Variants in COL21A1 observed in about 807,000 individuals in gnomAD.
COL21A1 encodes collagen type XXI alpha 1 chain.
In COL21A1, 149 loss-of-function variants were observed where a neutral mutation model predicts 137.9. The ratio of observed to expected loss-of-function variants is 1.08; its 90% confidence interval spans 0.95 to 1.24. The LOEUF (loss-of-function observed/expected upper bound fraction) is 1.24. Ranked by LOEUF, COL21A1 falls within the 50% of genes most tolerant of loss-of-function variation. The pLI, the probability that COL21A1 is intolerant of heterozygous loss-of-function variation, is 0.00. For synonymous variants in COL21A1, 456 were observed against 391.5 expected, an observed-to-expected ratio of 1.16 and a Z score of -1.95; for missense variants, 1,167 against 1,158.4, an observed-to-expected ratio of 1.01 and a Z score of -0.11.
chr6:56,077,219 C>T (rs1036920911), intron 18 of COL21A1, among the ~76,000 whole-genome samples: 36 of 151,286 alleles, frequency 2.4e-4, no homozygotes, highest in African/African-American at 7.7e-4. Flanking sequence ...ACTAAAAAGA[C>T]ATTCAAAAAT....
At chr6:56,188,635 C>A (rs2152287989) in intron 1 of COL21A1, among the ~76,000 whole-genome samples, 1 of 152,328 alleles carries the variant, frequency 6.6e-6, no homozygotes, top group African/African-American at 2.4e-5. Context: ...TCGAGCTCTG[C>A]TAAGGGTCGG....
In COL21A1 at chr6:56,224,794, C is replaced by T. The variant is rs150898455; in HGVS notation, c.-39+22593G>A. 9.5e-4 allele frequency among the ~76,000 whole-genome samples: 144 copies of T among 152,070 alleles called. No homozygotes were observed. In the East Asian group the frequency reaches 0.026, roughly 27 times the overall value. On this transcript the variant is annotated intron_variant, in intron 1 of 29. Coordinates refer to ENST00000244728, the MANE Select transcript of COL21A1 (RefSeq NM_030820.4). ...AATGACATACTGGATTTCATTTGGACAAATATGCTGAAATATTATAGTTAA... is the reference window on the plus strand; with the variant it reads ...AATGACATACTGGATTTCATTTGGATAAATATGCTGAAATATTATAGTTAA...
intron 1 of COL21A1, among the ~76,000 whole-genome samples, chr6:56,340,513 T>A (rs989319545): frequency 1.3e-5 from 2 of 152,156 alleles, no homozygotes; most frequent in Non-Finnish European, 2.9e-5. Flanking sequence ...CCACTTCTCC[T>A]GGTTGATGGG....
chr6:56,100,261 T>A (rs1346617404), intron 17 of COL21A1, among the ~76,000 whole-genome samples: 3 of 152,194 alleles, frequency 2.0e-5, no homozygotes, highest in African/African-American at 7.2e-5. Flanking sequence ...CAGTCATCCT[T>A]TCATGAACAA....
chr6:56,138,210 T>A (rs1774144196), intron 12 of COL21A1, among the ~76,000 whole-genome samples: 1 of 151,744 alleles, frequency 6.6e-6, no homozygotes, highest in South Asian at 2.1e-4. Context: ...AAGCAAAATA[T>A]TTTTTAGAAA....
intron 1 of COL21A1, among the ~76,000 whole-genome samples, chr6:56,234,247 C>T (rs887045886): frequency 6.6e-6 from 1 of 151,404 alleles, no homozygotes; most frequent in Non-Finnish European, 1.5e-5. Flanking sequence ...AAGAAATCCA[C>T]CTAAAACTCA....
At position 56,057,811 on chromosome 6, in the gene COL21A1, C is replaced by A; in HGVS notation, c.2720G>T (p.Gly907Val). The change falls in exon 30 of 30, where the codon GGT (glycine) becomes GTT (valine). Residue 907 changes from glycine to valine, a missense_variant. Physicochemically the swap from Gly to Val is moderately radical, Grantham distance 109 (BLOSUM62 -3). Coordinates refer to ENST00000244728, the MANE Select transcript of COL21A1 (RefSeq NM_030820.4). ...AGGGAGACCTGGGTCTCCTGGAGGACCTTCTTTGCTTATTCCAGGAGGGCC... is the reference window on the plus strand; with the variant it reads ...AGGGAGACCTGGGTCTCCTGGAGGAACTTCTTTGCTTATTCCAGGAGGGCC... ...PEGPPGISKE[G>V]PPGDPGLPGK... 6.3e-6 allele frequency: 10 copies of A among 1,589,698 alleles called. No individual in the cohort carries two copies. The highest frequency in any genetic ancestry group is 8.5e-6 in the Non-Finnish European group (10 of 1,169,612).
intron 1 of COL21A1, among the ~76,000 whole-genome samples, chr6:56,263,883 CA>C (rs1380246706): frequency 2.6e-5 from 4 of 152,026 alleles, no homozygotes; most frequent in Non-Finnish European, 5.9e-5. Context: ...ATCCTGCACA[CA>C]ACATAAAAAG....
At position 56,295,757 on chromosome 6, in the gene COL21A1, G is replaced by GA. The variant is rs1365844993; in HGVS notation, c.-39+98213dup. On this transcript the variant is annotated intron_variant, in intron 1 of 28. Coordinates refer to the COL21A1 transcript ENST00000370819. ...CAATTATTCATTCCTGGTATATAGG[G>GA]AAAAAATTGACTTTTTATTAACCTT... Among the ~76,000 whole-genome samples the GA allele has an allele frequency of 2.9e-5, 4 of 138,134 alleles. No individual in the cohort carries two copies. The East Asian group carries it at 8.1e-4, about 28-fold the overall frequency. The allele number at this position is 138,134 out of a possible 152,430, so 90.6% of individuals were successfully genotyped here. A position where few individuals can be genotyped will look rare whatever the true frequency, so the allele number is the denominator to read the frequency against.
At chr6:56,068,758 T>G (rs1379869629) in intron 22 of COL21A1, 1 of 209,686 alleles carries the variant, frequency 4.8e-6, no homozygotes, top group Admixed American at 6.0e-5. Context: ...CCCTGGTTTG[T>G]GAAAAAAACC....
chr6:56,337,247 A>C (rs572110113), intron 1 of COL21A1, among the ~76,000 whole-genome samples: 1 of 152,278 alleles, frequency 6.6e-6, no homozygotes, highest in South Asian at 2.1e-4. Flanking sequence ...GGGCTCCACC[A>C]CATAATAATG....
intron 17 of COL21A1, among the ~76,000 whole-genome samples, chr6:56,090,388 G>A (rs984810006): frequency 1.3e-5 from 2 of 152,276 alleles, no homozygotes; most frequent in Non-Finnish European, 2.9e-5. Flanking sequence ...ATTTATGATA[G>A]GAAAGAATAA....
At chr6:56,278,008 A>G (rs1350374652) in intron 1 of COL21A1, among the ~76,000 whole-genome samples, 2 of 152,224 alleles carry the variant, frequency 1.3e-5, no homozygotes, top group African/African-American at 4.8e-5. Flanking sequence ...GAAGCATAAA[A>G]TAATGATATT....
At chr6:56,264,962 T>A (rs1010262866) in intron 1 of COL21A1, among the ~76,000 whole-genome samples, 1 of 152,134 alleles carries the variant, frequency 6.6e-6, no homozygotes, top group African/African-American at 2.4e-5. Context: ...AAAAAGAAGG[T>A]GCCTCTCCCA....
At position 56,074,248 on chromosome 6, in the gene COL21A1, C is replaced by G. The variant is rs549633498; in HGVS notation, c.1949G>C (p.Gly650Ala). Reference sequence around the variant, plus strand: ...CATATTTACCTTAGATCCCGGTGTTCCAGGCTGGCCTGGTGAGCCATTGCT... The same window carrying G: ...CATATTTACCTTAGATCCCGGTGTTGCAGGCTGGCCTGGTGAGCCATTGCT... The part of the protein sequence containing the change: ...MGSNGSPGQP[G>A]TPGSKGSKGE... Residue 650 changes from glycine (G) to alanine (A), a missense_variant, in exon 20 of 30, where the codon GGA becomes GCA. Coordinates refer to ENST00000244728, the MANE Select transcript of COL21A1 (RefSeq NM_030820.4). 1.5e-5 allele frequency: 24 copies of G among 1,588,832 alleles called. No homozygotes were observed. In the South Asian group the frequency reaches 2.6e-4, roughly 18 times the overall value.
At chr6:56,076,600 T>A (rs779505588) in intron 18 of COL21A1, among the ~76,000 whole-genome samples, 10 of 151,206 alleles carry the variant, frequency 6.6e-5, no homozygotes, top group African/African-American at 7.3e-5. Context: ...TTATCATTTT[T>A]AAAAAAAATC....
chr6:56,292,981 T>A (rs985640149), intron 1 of COL21A1, among the ~76,000 whole-genome samples: 1 of 152,222 alleles, frequency 6.6e-6, no homozygotes, highest in Non-Finnish European at 1.5e-5. Flanking sequence ...AATTTTATGC[T>A]TAAAAATTTA....
At chr6:56,379,197 C>T (rs1270323333) in intron 1 of COL21A1, among the ~76,000 whole-genome samples, 1 of 152,180 alleles carries the variant, frequency 6.6e-6, no homozygotes, top group Non-Finnish European at 1.5e-5. Flanking sequence ...AGTATCAAGA[C>T]CATCCAGGAA....
intron 12 of COL21A1, among the ~76,000 whole-genome samples, chr6:56,130,364 C>A (rs978547793): frequency 6.6e-6 from 1 of 151,188 alleles, no homozygotes; most frequent in Admixed American, 6.6e-5. Flanking sequence ...AGAAAACAAT[C>A]TGAGTTGACT....
Sources: allele counts gnomAD v4.1 joint callset (sites outside exome capture counted in the v4.1 genomes callset), GRCh38; gene constraint gnomAD v4.1.1; transcripts MANE v1.5; gene names NCBI Gene and HGNC (gene_info 2026-07-23, HGNC 2026-07-21).